RSPO1: variants seen among roughly 807,000 people sequenced by gnomAD.
RSPO1 encodes R-spondin-1.
A neutral mutation model predicts 26.0 loss-of-function variants in RSPO1; 18 were observed. That is an observed-to-expected ratio of 0.69 (90% CI 0.48 to 1.03). The LOEUF is 1.03. RSPO1 is among the 50% of genes least tolerant of loss of function. The pLI is 0.00. For synonymous variants in RSPO1, 133 were observed against 137.4 expected, an observed-to-expected ratio of 0.97 and a Z score of 0.22; for missense variants, 309 against 352.3, an observed-to-expected ratio of 0.88 and a Z score of 0.98.
intron 4 of RSPO1, 145 bp from the exon 5 acceptor site, chr1:37,614,478 A>C (rs1292883065): frequency 1.1e-6 from 1 of 897,348 alleles, no homozygotes; most frequent in Non-Finnish European, 1.8e-6. Flanking sequence ...ACTGCAGAGG[A>C]ATCTTGGGAG....
At chr1:37,631,297 A>G (rs1644357861) in intron 2 of RSPO1, among the ~76,000 whole-genome samples, 1 of 152,188 alleles carries the variant, frequency 6.6e-6, no homozygotes, top group African/African-American at 2.4e-5. Context: ...CATGAGGCTG[A>G]TGGATCCCAC....
chr1:37,621,802 G>GT (rs112427832), intron 3 of RSPO1, among the ~76,000 whole-genome samples: 1,652 of 140,450 alleles, frequency 0.012, 18 homozygotes, highest in African/African-American at 0.029. Context: ...TCTTTTAAGA[G>GT]TTTTTTTTTT....
In RSPO1 at chr1:37,613,033, G is replaced by C; in HGVS notation, c.626-112C>G. 8.2e-7 allele frequency: 1 copy of C among 1,214,078 alleles called. No homozygotes were observed. The highest frequency in any genetic ancestry group is 1.2e-6 in the Non-Finnish European group (1 of 840,164). 75.2% of individuals were successfully genotyped at this position (1,214,078 alleles called of 1,614,324 possible). ...AGGAAGCCGGAAGGGGAGGCAGGGAGGAGGCTGGAGATGCTGCCTCTAGGT... is the reference window on the plus strand; with the variant it reads ...AGGAAGCCGGAAGGGGAGGCAGGGACGAGGCTGGAGATGCTGCCTCTAGGT... On this transcript the variant is annotated intron_variant, in intron 6 of 6. Coordinates refer to ENST00000356545, the MANE Select transcript of RSPO1 (RefSeq NM_001242908.2). This position sits in a 1 kb window ranked among gnomAD's most constrained non-coding sequence, Gnocchi z 4.5.
chr1:37,620,491 C>T (rs907501799), intron 3 of RSPO1, among the ~76,000 whole-genome samples: 1 of 151,912 alleles, frequency 6.6e-6, no homozygotes, highest in Non-Finnish European at 1.5e-5. Flanking sequence ...ATTAGCTGGC[C>T]GTGGTGGCAT....
intron 5 of RSPO1, 137 bp from the exon 6 acceptor site, chr1:37,614,029 A>G (rs1180300906): frequency 1.5e-6 from 2 of 1,328,076 alleles, no homozygotes; most frequent in Admixed American, 1.9e-5. Flanking sequence ...TCTTTAGTCC[A>G]GAGGGCAGAA....
At chr1:37,617,385 G>A (rs556590924) in intron 3 of RSPO1, among the ~76,000 whole-genome samples, 182 of 152,234 alleles carry the variant, frequency 1.2e-3, no homozygotes, top group Non-Finnish European at 2.1e-3. Flanking sequence ...GAAGTCGGGC[G>A]CGGTGACTCA....
At chr1:37,625,680 CT>C (rs1188013655) in intron 3 of RSPO1, among the ~76,000 whole-genome samples, 546 of 137,572 alleles carry the variant, frequency 4.0e-3, no homozygotes, top group Middle Eastern at 3.8e-3. Flanking sequence ...GCCCAGGATT[CT>C]TTTTTTTTTT....
rs1164074794 is a variant in RSPO1 at position 37,632,368 on chromosome 1, G to C, written c.-355-15C>G. ...CACAATCTCAGCTGGAAAATCGTAA[G>C]GAGGATCCAGATGTAAATTTCACTG... On this transcript the variant is annotated splice_polypyrimidine_tract_variant and intron_variant, in intron 1 of 6. Transcript: ENST00000356545. 2.0e-5 allele frequency: 3 copies of C among 152,348 alleles called. No homozygotes were observed. The highest frequency in any genetic ancestry group is 4.4e-5 in the Non-Finnish European group (3 of 68,052). 9.4% of individuals were successfully genotyped at this position (152,348 alleles called of 1,614,324 possible).
In RSPO1 at chr1:37,616,746, T is replaced by C; in HGVS notation, c.95-71A>G. On this transcript the variant is annotated intron_variant, in intron 3 of 6. Transcript: ENST00000356545. ...TCACCTATCCAGATTCTGACAAGGA[T>C]GGGAAGTGAATAGATCGATGTTTCC... is the stretch of plus-strand genomic sequence containing the variant. 4 of 1,365,638 alleles carry C rather than the reference T, an allele frequency of 2.9e-6. No homozygotes were observed. In the South Asian group the frequency reaches 4.7e-5, roughly 16 times the overall value. 84.6% of individuals were successfully genotyped at this position (1,365,638 alleles called of 1,614,324 possible). A position where few individuals can be genotyped will look rare whatever the true frequency, so the allele number is the denominator to read the frequency against.
chr1:37,613,045 TG>T lies in RSPO1; in HGVS notation c.626-125del. On this transcript the variant is annotated intron_variant, in intron 6 of 6. Transcript: ENST00000356545. The surrounding 1 kb of genome is among the most constrained non-coding windows in gnomAD (Gnocchi z 4.5). ...GGGGAGGCAGGGAGGAGGCTGGAGA[TG>T]CTGCCTCTAGGTAGTTGGGTCATCG... is the stretch of plus-strand genomic sequence containing the variant. 4 of 1,071,038 alleles carry T rather than the reference TG, an allele frequency of 3.7e-6. No individual in the cohort carries two copies. The highest frequency in any genetic ancestry group is 2.5e-5 in the East Asian group (1 of 40,046). 66.3% of individuals were successfully genotyped at this position (1,071,038 alleles called of 1,614,324 possible).
At chr1:37,616,786 T>C (rs1644120548) in intron 3 of RSPO1, 111 bp from the exon 4 acceptor site, 12 of 1,050,126 alleles carry the variant, frequency 1.1e-5, no homozygotes. Context: ...ACAGAAGGAA[T>C]ATGCTTCTCA....
At chr1:37,625,882 T>C (rs1176708881) in intron 3 of RSPO1, among the ~76,000 whole-genome samples, 1 of 152,162 alleles carries the variant, frequency 6.6e-6, no homozygotes, top group Non-Finnish European at 1.5e-5. Context: ...TTTCGCCATG[T>C]TGGGCAGGCT....
chr1:37,625,880 T>C (rs1210721411), intron 3 of RSPO1, among the ~76,000 whole-genome samples: 1 of 152,142 alleles, frequency 6.6e-6, no homozygotes, highest in Non-Finnish European at 1.5e-5. Flanking sequence ...GCTTTCGCCA[T>C]GTTGGGCAGG....
intron 3 of RSPO1, among the ~76,000 whole-genome samples, chr1:37,619,854 T>A (rs1170351254): frequency 6.6e-6 from 1 of 152,032 alleles, no homozygotes; most frequent in Non-Finnish European, 1.5e-5. Flanking sequence ...TACAAGCGAT[T>A]CTCCTGCCTC....
rs997651795 is a variant in RSPO1, at chr1:37,634,466, A to T, written c.-356+100T>A. On this transcript the variant is annotated intron_variant, in intron 1 of 6. Coordinates refer to ENST00000356545, the MANE Select transcript of RSPO1 (RefSeq NM_001242908.2). This position sits in a 1 kb window ranked among gnomAD's most constrained non-coding sequence, Gnocchi z 4.7. Reference sequence around the variant, plus strand: ...CCTTCCTTTCTGTCTCCCCCCACGCACCCAGCTAGAACCAGCCCCGACGGG... The same window carrying T: ...CCTTCCTTTCTGTCTCCCCCCACGCTCCCAGCTAGAACCAGCCCCGACGGG... The T allele has an allele frequency of 6.6e-6, 1 of 152,294 alleles. No individual in the cohort carries two copies. 9.4% of individuals were successfully genotyped at this position (152,294 alleles called of 1,614,324 possible). A position where few individuals can be genotyped will look rare whatever the true frequency, so the allele number is the denominator to read the frequency against.
intron 3 of RSPO1, among the ~76,000 whole-genome samples, chr1:37,626,654 G>A (rs1011428295): frequency 1.7e-4 from 26 of 152,186 alleles, no homozygotes; most frequent in African/African-American, 6.3e-4. Context: ...GGCTGTCAGT[G>A]CAGCAGGGGT....
rs1247770841 is a variant in RSPO1, at chr1:37,611,863, A to G, written c.*892T>C. 6.6e-6 allele frequency: 1 copy of G among 152,510 alleles called. No homozygotes were observed. The highest frequency in any genetic ancestry group is 2.4e-5 in the African/African-American group (1 of 41,472). The allele number at this position is 152,510 out of a possible 1,614,324, so 9.4% of individuals were successfully genotyped here. ...CCAATCATCAGGAATCTTAAAATTT[A>G]GACTCTGGCTCACCAGGTCTGGAAT... On this transcript the variant is annotated 3_prime_UTR_variant, in exon 7 of 7. Coordinates refer to ENST00000356545, the MANE Select transcript of RSPO1 (RefSeq NM_001242908.2).
At position 37,634,041 on chromosome 1, in the gene RSPO1, C is replaced by T. The variant is rs1191689132; in HGVS notation, c.-356+525G>A. Among the ~76,000 whole-genome samples, 3 of 152,164 alleles carry T rather than the reference C, an allele frequency of 2.0e-5. No individual in the cohort carries two copies. Among genetic ancestry groups the T allele is most frequent in the Non-Finnish European group, 4.4e-5 (3 of 68,016 alleles). On this transcript the variant is annotated intron_variant, in intron 1 of 6. Coordinates refer to ENST00000356545, the MANE Select transcript of RSPO1 (RefSeq NM_001242908.2). This position sits in a 1 kb window ranked among gnomAD's most constrained non-coding sequence, Gnocchi z 4.7. The stretch of plus-strand genomic sequence containing the variant: ...TAGCCCCCACCTCTCCCCAACTAAG[C>T]GATACCATCGGTTCCTGAGCGCCAG...
rs1480569472 is a variant in RSPO1 at position 37,613,697 on chromosome 1, A to C, written c.625+7T>G. ...CTGACCCCAGGGAGGCAGAGGCTGC[A>C]GCTCACCCTCAGGACACGGCACTCT... On this transcript the variant is annotated splice_region_variant and intron_variant, in intron 6 of 6. Coordinates refer to ENST00000356545, the MANE Select transcript of RSPO1 (RefSeq NM_001242908.2). The surrounding 1 kb of genome is among the most constrained non-coding windows in gnomAD (Gnocchi z 4.5). 2 of 1,608,048 alleles carry C rather than the reference A, an allele frequency of 1.2e-6. No individual in the cohort carries two copies. The highest frequency in any genetic ancestry group is 1.7e-6 in the Non-Finnish European group (2 of 1,175,626).
Sources: gnomAD v4.1 joint callset for allele counts (sites outside exome capture counted in the v4.1 genomes callset) on GRCh38, gnomAD v4.1.1 for gene constraint, Gnocchi (gnomAD v3.1) non-coding constraint, MANE v1.5 for transcripts, NCBI Gene and HGNC (gene_info 2026-07-23, HGNC 2026-07-21) for gene names.